The following NASP variants were observed in gnomAD, a reference collection of about 807,000 sequenced individuals.
NASP encodes NASP histone chaperone.
A neutral mutation model predicts 89.5 loss-of-function variants in NASP; 24 were observed. That is an observed-to-expected ratio of 0.27 (90% CI 0.19 to 0.38). NASP has a LOEUF of 0.38. NASP is among the 10% of genes least tolerant of loss of function. The pLI is 1.00. For synonymous variants in NASP, 306 were observed against 324.7 expected (o/e 0.94, Z 0.62); for missense variants, 848 against 921.4 (o/e 0.92, Z 1.03).
chr1:45,606,703 G>A, intron 5 of NASP, 112 bp downstream of exon 5: 1 of 647,228 alleles, frequency 1.5e-6, no homozygotes, highest in Non-Finnish European at 2.6e-6. Flanking sequence ...AGATGCTTGG[G>A]GTGATGATGC....
chr1:45,617,805 C>CTAA (rs1644132897), intron 14 of NASP, among the ~76,000 whole-genome samples: 1 of 152,192 alleles, frequency 6.6e-6, no homozygotes, highest in Admixed American at 6.5e-5. Flanking sequence ...TTATAGGTCC[C>CTAA]TCGATGAATA....
rs768455377 is a variant in NASP at position 45,608,146 on chromosome 1, A to G, written c.1235A>G (p.Glu412Gly). Residue 412 changes from glutamate (E) to glycine (G), a missense_variant, in exon 6 of 15, where the codon GAG becomes GGG. Around this residue, in one of 5 missense-constraint regions of NASP, gnomAD observed 464 missense variants for 469.4 expected, o/e 0.99. Transcript: ENST00000350030. The part of the protein sequence containing the change: ...TETKDGSGLE[E>G]KVRAKLVPSQ... ...ACAAAAGATGGCTCAGGACTAGAGGAGAAGGTCAGGGCAAAGCTGGTTCCT... is the reference window on the plus strand; with the variant it reads ...ACAAAAGATGGCTCAGGACTAGAGGGGAAGGTCAGGGCAAAGCTGGTTCCT... 1.2e-6 allele frequency: 2 copies of G among 1,613,992 alleles called. No homozygotes were observed. Among genetic ancestry groups the G allele is most frequent in the African/African-American group, 1.3e-5 (1 of 74,914 alleles).
chr1:45,612,210 T>C (rs1165579661), intron 6 of NASP: 1 of 152,160 alleles, frequency 6.6e-6, no homozygotes, highest in East Asian at 1.9e-4. Flanking sequence ...GAAAACGGAA[T>C]CTCTTTGTGG....
intron 13 of NASP, chr1:45,617,096 G>A (rs1471551909): frequency 3.4e-6 from 1 of 293,730 alleles, no homozygotes; most frequent in Non-Finnish European, 6.5e-6. Context: ...ACCCACCTCG[G>A]CATCCCAAAG....
At chr1:45,614,664 G>A (rs1158752104) in intron 9 of NASP, among the ~76,000 whole-genome samples, 3 of 152,068 alleles carry the variant, frequency 2.0e-5, no homozygotes, top group Admixed American at 6.6e-5. Context: ...TCAGGCTCTC[G>A]AGTAGCTGGG....
At chr1:45,600,497 C>T (rs1643813556) in intron 2 of NASP, 2 of 1,094,278 alleles carry the variant, frequency 1.8e-6, no homozygotes, top group South Asian at 3.8e-5. Context: ...TTTGATTCAG[C>T]ATAATTATTT....
intron 1 of NASP, among the ~76,000 whole-genome samples, chr1:45,586,397 G>A (rs1570941369): frequency 6.6e-6 from 1 of 151,892 alleles, no homozygotes; most frequent in Non-Finnish European, 1.5e-5. Context: ...GTGATTGTCC[G>A]GCCTCAGCCT....
chr1:45,605,006 G>C lies in NASP; in HGVS notation c.289G>C (p.Glu97Gln), dbSNP rs1340011920. 3 of 1,610,646 alleles carry C rather than the reference G, an allele frequency of 1.9e-6. No homozygotes were observed. Among genetic ancestry groups the C allele is most frequent in the Non-Finnish European group, 2.5e-6 (3 of 1,177,044 alleles). ...AFFFYGKSLLELARMENGVLG... is the reference protein window; with the variant it reads ...AFFFYGKSLLQLARMENGVLG... Reference sequence around the variant, plus strand: ...CTTTTTCTATGGGAAATCACTTCTGGAGTTGGCAAGGTATGGATGTTGTAT... The same window carrying C: ...CTTTTTCTATGGGAAATCACTTCTGCAGTTGGCAAGGTATGGATGTTGTAT... The change falls in exon 4 of 15, where the codon GAG becomes CAG. Residue 97 changes from glutamate to glutamine, a missense_variant. Coordinates refer to ENST00000350030, the MANE Select transcript of NASP (RefSeq NM_002482.4).
At position 45,599,281 on chromosome 1, in the gene NASP, G is replaced by A. The variant is rs902806959; in HGVS notation, c.108-2974G>A. On this transcript the variant is annotated intron_variant, in intron 2 of 14. Transcript: ENST00000350030. ...GTAACGGGGACTACAGGTGCATACCGTGATGTCAGCTAATTTTTGTATTTT... is the reference window on the plus strand; with the variant it reads ...GTAACGGGGACTACAGGTGCATACCATGATGTCAGCTAATTTTTGTATTTT... Among the ~76,000 whole-genome samples the A allele has an allele frequency of 2.6e-5, 4 of 151,972 alleles. 1 individual carries two copies. The highest frequency in any genetic ancestry group is 2.0e-4 in the Admixed American group (3 of 15,238).
chr1:45,584,229 A>G (rs777975017), intron 1 of NASP, 24 bp downstream of exon 1: 1 of 1,568,406 alleles, frequency 6.4e-7, no homozygotes, highest in South Asian at 1.2e-5. Context: ...TGGAAAGCTT[A>G]AGGCACTGGC....
At chr1:45,615,997 A>G (rs1396488593) in intron 11 of NASP, among the ~76,000 whole-genome samples, 1 of 152,250 alleles carries the variant, frequency 6.6e-6, no homozygotes, top group African/African-American at 2.4e-5. Context: ...AAAAAATGTA[A>G]GTTGCTATTT....
At chr1:45,592,337 A>T (rs559053372) in intron 2 of NASP, among the ~76,000 whole-genome samples, 1 of 151,990 alleles carries the variant, frequency 6.6e-6, no homozygotes, top group Non-Finnish European at 1.5e-5. Flanking sequence ...GTGGTCTCCA[A>T]CCTGGGCTCA....
At chr1:45,614,512 G>GTGGC (rs1330439166) in intron 9 of NASP, 146 bp downstream of exon 9, 3 of 672,622 alleles carry the variant, frequency 4.5e-6, no homozygotes, top group African/African-American at 1.8e-5. Flanking sequence ...TCTCTTCCAA[G>GTGGC]TGGCACTCAG....
intron 2 of NASP, among the ~76,000 whole-genome samples, chr1:45,600,990 A>T (rs994530742): frequency 9.2e-5 from 14 of 152,108 alleles, no homozygotes; most frequent in Non-Finnish European, 5.9e-5. Flanking sequence ...CTTTGATGAC[A>T]TGTTTGTTAA....
chr1:45,604,534 G>A (rs556075196), intron 3 of NASP, among the ~76,000 whole-genome samples: 1 of 152,316 alleles, frequency 6.6e-6, no homozygotes, highest in Admixed American at 6.5e-5. Flanking sequence ...AATCCAGTTA[G>A]AAGAACTCCA....
In NASP at chr1:45,602,218, A is replaced by G. The variant is rs770120034; in HGVS notation, c.108-37A>G. On this transcript the variant is annotated intron_variant, in intron 2 of 14. Coordinates refer to ENST00000350030, the MANE Select transcript of NASP (RefSeq NM_002482.4). ...AGGTATTCAAAAAATACTGATTTAAACAGTACTTGACACTAGAAAAAATCT... is the reference window on the plus strand; with the variant it reads ...AGGTATTCAAAAAATACTGATTTAAGCAGTACTTGACACTAGAAAAAATCT... 5.7e-6 allele frequency: 9 copies of G among 1,582,488 alleles called. No homozygotes were observed. In the Admixed American group the frequency reaches 1.7e-4, roughly 30 times the overall value.
chr1:45,616,935 C>T (rs1052148889), intron 13 of NASP, among the ~76,000 whole-genome samples: 1 of 152,118 alleles, frequency 6.6e-6, no homozygotes, highest in Non-Finnish European at 1.5e-5. Context: ...ACCTCTGCCC[C>T]CCGGGTTCAA....
chr1:45,617,979 T>C, intron 14 of NASP, 82 bp from the exon 15 acceptor site: 1 of 1,265,822 alleles, frequency 7.9e-7, no homozygotes, highest in Non-Finnish European at 1.1e-6. Context: ...TGTATATGCT[T>C]CCTATGACTG....
At chr1:45,589,774 G>A (rs960464496) in intron 1 of NASP, among the ~76,000 whole-genome samples, 4 of 151,962 alleles carry the variant, frequency 2.6e-5, no homozygotes, top group Non-Finnish European at 4.4e-5. Flanking sequence ...GGTGGTGGGC[G>A]CCTGTAATCC....
Sources: gnomAD v4.1 joint callset for allele counts (sites outside exome capture counted in the v4.1 genomes callset) on GRCh38, gnomAD v4.1.1 for gene constraint, gnomAD v4.1.1 regional missense constraint, MANE v1.5 for transcripts, NCBI Gene and HGNC (gene_info 2026-07-23, HGNC 2026-07-21) for gene names.